The following RERE variants were observed in gnomAD, a reference collection of about 807,000 sequenced individuals.
The protein encoded by RERE is arginine-glutamic acid dipeptide repeats protein.
In RERE, 40 loss-of-function variants were observed where a neutral mutation model predicts 146.1. That is an observed-to-expected ratio of 0.27 (90% CI 0.21 to 0.36). RERE has a LOEUF of 0.36. Among genes scored for constraint, RERE ranks in the 10% least tolerant of loss-of-function variants. The pLI, the probability that RERE is intolerant of heterozygous loss-of-function variation, is 1.00. For synonymous variants in RERE, 1,003 were observed against 866.0 expected (o/e 1.16, Z -2.78); for missense variants, 1,933 against 2,138.7 (o/e 0.90, Z 1.90).
chr1:8,689,773 G>GAA lies in RERE; in HGVS notation c.-144-33334_-144-33333dup, dbSNP rs370873260. Among the ~76,000 whole-genome samples the GAA allele has an allele frequency of 3.4e-4, 43 of 127,792 alleles. 1 individual carries two copies. The highest frequency in any genetic ancestry group is 7.7e-4 in the African/African-American group (27 of 35,246). The allele number at this position is 127,792 out of a possible 152,430, so 83.8% of individuals were successfully genotyped here. A position where few individuals can be genotyped will look rare whatever the true frequency, so the allele number is the denominator to read the frequency against. ...CCCATCGAAGGAGCAATGGATACAG[G>GAA]AAAAAAAAAAAAAAAACTACTAACA... On this transcript the variant is annotated intron_variant, in intron 1 of 22. Coordinates refer to ENST00000400908, the MANE Select transcript of RERE (RefSeq NM_001042681.2).
chr1:8,684,143 T>C (rs915353186), intron 1 of RERE, among the ~76,000 whole-genome samples: 3 of 152,184 alleles, frequency 2.0e-5, no homozygotes, highest in African/African-American at 7.2e-5. Context: ...AAAAGGATCT[T>C]AGTAATTAAA....
chr1:8,618,820 T>C (rs1447849174), intron 3 of RERE, among the ~76,000 whole-genome samples: 2 of 152,216 alleles, frequency 1.3e-5, no homozygotes, highest in Admixed American at 6.5e-5. Context: ...AATAGCTTCT[T>C]GTTACTTTTA....
intron 2 of RERE, among the ~76,000 whole-genome samples, chr1:8,635,977 C>CTTATTTTATTTTATT (rs70985503): frequency 1.0e-4 from 14 of 136,824 alleles, no homozygotes; most frequent in Non-Finnish European, 1.7e-4. Context: ...CTTATCTTAT[C>CTTATTTTATTTTATT]TTATTTTATT....
chr1:8,576,229 AG>A (rs946323776), intron 4 of RERE, among the ~76,000 whole-genome samples: 1 of 152,052 alleles, frequency 6.6e-6, no homozygotes, highest in African/African-American at 2.4e-5. Context: ...AAAAAAAAAA[AG>A]TTCTCTGTGT....
chr1:8,777,533 C>CTTT (rs752250797), intron 1 of RERE, among the ~76,000 whole-genome samples: 2 of 137,692 alleles, frequency 1.5e-5, no homozygotes, highest in Admixed American at 7.4e-5. Flanking sequence ...AAGTGTCATA[C>CTTT]TTTTTTTTTT....
chr1:8,501,365 A>C (rs866037913), intron 8 of RERE, among the ~76,000 whole-genome samples: 9 of 70,800 alleles, frequency 1.3e-4, no homozygotes, highest in Admixed American at 7.3e-4. Flanking sequence ...CCAGCCGCCC[A>C]GTCCGGGAGG....
intron 2 of RERE, among the ~76,000 whole-genome samples, chr1:8,637,625 C>G (rs1254954676): frequency 6.6e-6 from 1 of 152,186 alleles, no homozygotes; most frequent in African/African-American, 2.4e-5. Flanking sequence ...ACACCCTTAA[C>G]CCGGGGACCA....
chr1:8,482,568 G>A (rs1644849046), intron 10 of RERE, among the ~76,000 whole-genome samples: 1 of 150,660 alleles, frequency 6.6e-6, no homozygotes, highest in Non-Finnish European at 1.5e-5. Context: ...TGTAGTCCCA[G>A]CTACTTGGGA....
At position 8,358,704 on chromosome 1, in the gene RERE, G is replaced by A. The variant is rs746821451; in HGVS notation, c.3831C>T (p.Pro1277=). ...CCAGCAGGGGGTCCGTGGGGTTAAG[G>A]GGCATGTAGAAGGGGTGGTTGCGGT... ...PTNRNHPFYM[P]LNPTDPLLAY... Residue 1277 remains proline, a synonymous_variant, in exon 20 of 23, where the codon CCC becomes CCT. Coordinates refer to ENST00000400908, the MANE Select transcript of RERE (RefSeq NM_001042681.2). 97 of 1,598,994 alleles carry A rather than the reference G, an allele frequency of 6.1e-5. No homozygotes were observed. The highest frequency in any genetic ancestry group is 7.5e-5 in the Non-Finnish European group (88 of 1,171,418).
intron 6 of RERE, among the ~76,000 whole-genome samples, chr1:8,548,732 C>A (rs904501412): frequency 6.6e-6 from 1 of 152,182 alleles, no homozygotes; most frequent in Non-Finnish European, 1.5e-5. Flanking sequence ...CGCCTGTAAT[C>A]CCAGCACCTC....
intron 1 of RERE, among the ~76,000 whole-genome samples, chr1:8,697,885 T>C (rs1639368810): frequency 6.6e-6 from 1 of 152,168 alleles, no homozygotes; most frequent in Non-Finnish European, 1.5e-5. Flanking sequence ...AAAAAGTTCA[T>C]ATTAGGGAGT....
chr1:8,811,831 C>G (rs1641817630), intron 1 of RERE, among the ~76,000 whole-genome samples: 1 of 152,176 alleles, frequency 6.6e-6, no homozygotes, highest in African/African-American at 2.4e-5. Context: ...TTAATATTGT[C>G]CCCTTTGGGG....
chr1:8,405,594 G>A (rs1429530133), intron 12 of RERE, among the ~76,000 whole-genome samples: 1 of 152,112 alleles, frequency 6.6e-6, no homozygotes, highest in Non-Finnish European at 1.5e-5. Flanking sequence ...GAAGAATATG[G>A]GCCAAAACGT....
intron 1 of RERE, among the ~76,000 whole-genome samples, chr1:8,672,160 A>C (rs975814302): frequency 1.4e-4 from 22 of 151,848 alleles, no homozygotes; most frequent in Admixed American, 1.4e-3. Context: ...GAATAATCTC[A>C]CTCCGGAAAT....
intron 11 of RERE, among the ~76,000 whole-genome samples, chr1:8,462,278 T>C (rs1570277790): frequency 6.6e-6 from 1 of 152,372 alleles, no homozygotes; most frequent in African/African-American, 2.4e-5. Flanking sequence ...ATCTTCATCA[T>C]TAAGTCCTTA....
At chr1:8,522,028 T>C (rs1645508362) in intron 7 of RERE, among the ~76,000 whole-genome samples, 1 of 152,244 alleles carries the variant, frequency 6.6e-6, no homozygotes, top group Non-Finnish European at 1.5e-5. Context: ...CAAAGTATCA[T>C]AGAGTATACA....
At chr1:8,559,258 C>A in intron 4 of RERE, among the ~76,000 whole-genome samples, 1 of 43,140 alleles carries the variant, frequency 2.3e-5, no homozygotes. Context: ...CCAGCCTGGG[C>A]AACAAGAGCA....
At chr1:8,660,696 C>G (rs1247973011) in intron 1 of RERE, among the ~76,000 whole-genome samples, 1 of 152,220 alleles carries the variant, frequency 6.6e-6, no homozygotes, top group Non-Finnish European at 1.5e-5. Flanking sequence ...ATGATTCACG[C>G]AGACAGATTT....
intron 10 of RERE, among the ~76,000 whole-genome samples, chr1:8,478,602 A>G (rs953958000): frequency 6.6e-6 from 1 of 152,216 alleles, no homozygotes; most frequent in African/African-American, 2.4e-5. Context: ...TCTGGAGGAC[A>G]GGGCTGGCCA....
Sources: gnomAD v4.1 joint callset for allele counts (sites outside exome capture counted in the v4.1 genomes callset) on GRCh38, gnomAD v4.1.1 for gene constraint, MANE v1.5 for transcripts, NCBI Gene and HGNC (gene_info 2026-07-23, HGNC 2026-07-21) for gene names.